SYTL3: variants seen among roughly 807,000 people sequenced by gnomAD.
SYTL3 encodes synaptotagmin-like protein 3.
In SYTL3, 88 loss-of-function variants were observed where a neutral mutation model predicts 82.1. That is an observed-to-expected ratio of 1.07 (90% CI 0.90 to 1.28). The LOEUF (loss-of-function observed/expected upper bound fraction) is 1.28, where lower values mean the gene tolerates loss of function less well. Among genes scored for constraint, SYTL3 ranks in the 50% most tolerant of loss-of-function variants. The pLI is 0.00. For synonymous variants in SYTL3, 311 were observed against 289.4 expected (o/e 1.07, Z -0.76); for missense variants, 831 against 757.6 (o/e 1.10, Z -1.14).
chr6:158,734,514 G>A (rs981587805), intron 11 of SYTL3, among the ~76,000 whole-genome samples: 13 of 152,074 alleles, frequency 8.5e-5, no homozygotes, highest in Non-Finnish European at 1.8e-4. Context: ...GCCACTGACT[G>A]GTGCTGGGAC....
intron 6 of SYTL3, among the ~76,000 whole-genome samples, chr6:158,701,145 G>GAGGAGGTGAGCTGGGGTGTAGATGA (rs1410625753): frequency 4.1e-5 from 6 of 146,750 alleles, no homozygotes; most frequent in East Asian, 2.0e-4. Flanking sequence ...AAGGGTCATG[G>GAGGAGGTGAGCTGGGGTGTAGATGA]AGGAGGTGAG....
intron 5 of SYTL3, among the ~76,000 whole-genome samples, chr6:158,671,734 T>TAA (rs567259318): frequency 7.3e-5 from 6 of 81,966 alleles, no homozygotes; most frequent in African/African-American, 3.4e-4. Flanking sequence ...AGACTCAGTC[T>TAA]AAAAAAAAAA....
intron 7 of SYTL3, 77 bp from the exon 8 acceptor site, chr6:158,708,245 C>A: frequency 8.0e-7 from 1 of 1,247,506 alleles, no homozygotes; most frequent in Non-Finnish European, 1.2e-6. Flanking sequence ...AGAATAATGG[C>A]ACATTTTGTG....
At position 158,764,477 on chromosome 6, in the gene SYTL3, T is replaced by C. The variant is rs200275190; in HGVS notation, c.1724-18T>C. On this transcript the variant is annotated intron_variant, in intron 17 of 17. Coordinates refer to ENST00000611299, the MANE Select transcript of SYTL3 (RefSeq NM_001242394.2). The stretch of plus-strand genomic sequence containing the variant: ...GTGCCCTCCCCGACCATGGCTAAAT[T>C]GTCTTCCTCTCTTACAGAGGGAGAC... 74 of 1,593,630 alleles carry C rather than the reference T, an allele frequency of 4.6e-5. No homozygotes were observed. The highest frequency in any genetic ancestry group is 4.5e-5 in the East Asian group (2 of 44,826).
chr6:158,759,680 C>T (rs112808189), intron 14 of SYTL3, among the ~76,000 whole-genome samples: 5,265 of 152,182 alleles, frequency 0.035, 121 homozygotes, highest in Middle Eastern at 0.051. Flanking sequence ...TATAGGCGCC[C>T]GTCACCACAC....
intron 11 of SYTL3, among the ~76,000 whole-genome samples, chr6:158,727,166 A>T (rs1784833863): frequency 6.7e-6 from 1 of 148,252 alleles, no homozygotes; most frequent in Admixed American, 6.8e-5. Context: ...TCTTTATTTT[A>T]ATTTTATTTA....
At chr6:158,676,073 C>A (rs962896678) in intron 5 of SYTL3, among the ~76,000 whole-genome samples, 1 of 152,120 alleles carries the variant, frequency 6.6e-6, no homozygotes, top group African/African-American at 2.4e-5. Context: ...TCATATGGAA[C>A]CAAAAAAGAG....
chr6:158,707,398 CT>C (rs59396937), intron 7 of SYTL3, 117 bp downstream of exon 7: 148,093 of 530,260 alleles, frequency 0.28, 4,337 homozygotes, highest in Non-Finnish European at 0.3. Flanking sequence ...GAATGTGACT[CT>C]TTTTTTTTTT....
Position 158,763,305 on chromosome 6 carries a change from T to C in SYTL3, c.1519T>C (p.Cys507Arg). The change falls in exon 17 of 18, where the codon TGT (cysteine) becomes CGT (arginine). Residue 507 changes from cysteine (C) to arginine (R), a missense_variant and splice_region_variant. Physicochemically the swap from Cys to Arg is radical, Grantham distance 180. Coordinates refer to ENST00000611299, the MANE Select transcript of SYTL3 (RefSeq NM_001242394.2). ...DGTLNSFVKG[C>R]LTLPDQQKLR... Reference sequence around the variant, plus strand: ...GCAGGGTTTGTGTTCCCTCTTCAGCTGTCTCACTCTGCCAGACCAACAAAA... The same window carrying C: ...GCAGGGTTTGTGTTCCCTCTTCAGCCGTCTCACTCTGCCAGACCAACAAAA... 1.2e-6 allele frequency: 2 copies of C among 1,614,172 alleles called. No homozygotes were observed. The highest frequency in any genetic ancestry group is 1.7e-6 in the Non-Finnish European group (2 of 1,180,010).
intron 8 of SYTL3, among the ~76,000 whole-genome samples, chr6:158,708,690 C>T (rs981126595): frequency 6.6e-6 from 1 of 152,078 alleles, no homozygotes; most frequent in African/African-American, 2.4e-5. Context: ...CTGTGCTGGG[C>T]GTGTGTGTAG....
At chr6:158,677,526 T>G (rs892022275) in intron 5 of SYTL3, among the ~76,000 whole-genome samples, 2 of 151,556 alleles carry the variant, frequency 1.3e-5, no homozygotes, top group Non-Finnish European at 2.9e-5. Flanking sequence ...GTTGTGCACA[T>G]GTACCCTAAA....
intron 11 of SYTL3, among the ~76,000 whole-genome samples, chr6:158,740,739 A>G (rs2128505045): frequency 6.6e-6 from 1 of 152,328 alleles, no homozygotes; most frequent in African/African-American, 2.4e-5. Flanking sequence ...AGATTCAAAA[A>G]TATTAGGTTG....
chr6:158,745,432 A>T (rs1490886250), intron 11 of SYTL3, 48 bp from the exon 12 acceptor site: 77 of 1,519,200 alleles, frequency 5.1e-5, no homozygotes, highest in Non-Finnish European at 6.9e-5. Flanking sequence ...ACATCAAAAA[A>T]GTGAATTAAC....
At chr6:158,693,878 A>C (rs1297808854) in intron 6 of SYTL3, among the ~76,000 whole-genome samples, 1 of 34,584 alleles carries the variant, frequency 2.9e-5, no homozygotes, top group Non-Finnish European at 5.9e-5. Flanking sequence ...TTTTTTGTAG[A>C]TACAGGGTTT....
chr6:158,651,364 G>A (rs929320238), intron 1 of SYTL3, among the ~76,000 whole-genome samples: 40 of 152,086 alleles, frequency 2.6e-4, no homozygotes, highest in Non-Finnish European at 4.6e-4. Flanking sequence ...AGGCCTAGGC[G>A]GATGGATCAT....
At chr6:158,695,714 C>A (rs1780486957) in intron 6 of SYTL3, among the ~76,000 whole-genome samples, 1 of 152,194 alleles carries the variant, frequency 6.6e-6, no homozygotes, top group Non-Finnish European at 1.5e-5. Flanking sequence ...CCCCCACTGT[C>A]CTACATTCTG....
At chr6:158,707,378 C>T in intron 7 of SYTL3, 97 bp downstream of exon 7, 1 of 959,774 alleles carries the variant, frequency 1.0e-6, no homozygotes, top group Non-Finnish European at 1.6e-6. Flanking sequence ...TTTCACATGT[C>T]ACTGCTTTGG....
intron 2 of SYTL3, among the ~76,000 whole-genome samples, chr6:158,659,495 A>G (rs1789105888): frequency 6.6e-6 from 1 of 152,116 alleles, no homozygotes; most frequent in Non-Finnish European, 1.5e-5. Flanking sequence ...AGCTGAGATT[A>G]CAGGCATGTC....
At chr6:158,762,488 C>G (rs1450026961) in intron 16 of SYTL3, among the ~76,000 whole-genome samples, 2 of 152,126 alleles carry the variant, frequency 1.3e-5, no homozygotes, top group Non-Finnish European at 2.9e-5. Flanking sequence ...CTTGGACCAA[C>G]AGTAAAACGC....
Sources: gnomAD v4.1 joint callset for allele counts (sites outside exome capture counted in the v4.1 genomes callset) on GRCh38, gnomAD v4.1.1 for gene constraint, MANE v1.5 for transcripts, NCBI Gene and HGNC (gene_info 2026-07-23, HGNC 2026-07-21) for gene names.